Variants in ANKS1B observed in about 807,000 individuals in gnomAD.
ANKS1B encodes the protein ankyrin repeat and sterile alpha motif domain-containing protein 1B.
In ANKS1B, 36 loss-of-function variants were observed where a neutral mutation model predicts 148.3. The observed-to-expected ratio is 0.24, with a 90% CI of 0.19 to 0.32. ANKS1B has a LOEUF of 0.32. ANKS1B is among the 10% of genes least tolerant of loss of function. The probability of loss-of-function intolerance (pLI) is 1.00; values close to 1 mark genes in which losing one functional copy is unlikely to be tolerated. For synonymous variants in ANKS1B, 542 were observed against 560.8 expected (o/e 0.97, Z 0.47); for missense variants, 1,157 against 1,542.6 (o/e 0.75, Z 4.19).
At chr12:99,641,055 C>G (rs2098298288) in intron 9 of ANKS1B, among the ~76,000 whole-genome samples, 1 of 152,070 alleles carries the variant, frequency 6.6e-6, no homozygotes, top group Non-Finnish European at 1.5e-5. Context: ...TCCAGATTTT[C>G]TGAGCACATA....
At chr12:99,311,162 A>T (rs1468127502) in intron 12 of ANKS1B, among the ~76,000 whole-genome samples, 1 of 152,182 alleles carries the variant, frequency 6.6e-6, no homozygotes, top group Non-Finnish European at 1.5e-5. Context: ...TACACTCTTA[A>T]GACTTCTTAA....
intron 17 of ANKS1B, among the ~76,000 whole-genome samples, chr12:99,001,025 C>T (rs756370867): frequency 2.0e-5 from 3 of 151,876 alleles, no homozygotes; most frequent in Non-Finnish European, 2.9e-5. Context: ...TTCCAATTTA[C>T]GTATTCATCC....
At chr12:98,965,423 T>G (rs2099877007) in intron 17 of ANKS1B, among the ~76,000 whole-genome samples, 1 of 152,140 alleles carries the variant, frequency 6.6e-6, no homozygotes, top group Admixed American at 6.6e-5. Flanking sequence ...TATTTTTGGG[T>G]GAAAGTCTGA....
chr12:98,779,389 T>G (rs114693287), intron 24 of ANKS1B, among the ~76,000 whole-genome samples: 2,646 of 152,278 alleles, frequency 0.017, 66 homozygotes, highest in African/African-American at 0.06. Context: ...TTAATACAGC[T>G]GCATCCAGCC....
chr12:99,745,622 A>G (rs1337173411), intron 8 of ANKS1B, among the ~76,000 whole-genome samples: 1 of 152,168 alleles, frequency 6.6e-6, no homozygotes, highest in Non-Finnish European at 1.5e-5. Flanking sequence ...TGTAAGCACA[A>G]ATTGTAAGCA....
At chr12:98,836,816 G>A (rs7303217) in intron 17 of ANKS1B, among the ~76,000 whole-genome samples, 39,765 of 152,070 alleles carry the variant, frequency 0.26, 5,692 homozygotes, top group Admixed American at 0.32. Flanking sequence ...TGGAGATTCA[G>A]TTATTCTAAG....
chr12:99,892,234 A>C (rs1219858373), intron 1 of ANKS1B, among the ~76,000 whole-genome samples: 1 of 151,992 alleles, frequency 6.6e-6, no homozygotes, highest in Non-Finnish European at 1.5e-5. Flanking sequence ...TGATCTCCTG[A>C]CCTCGTGATC....
At position 99,102,542 on chromosome 12, in the gene ANKS1B, G is replaced by A. The variant is rs776990111; in HGVS notation, c.2527-17519C>T. 7.9e-5 allele frequency among the ~76,000 whole-genome samples: 12 copies of A among 152,026 alleles called. 1 individual carries two copies. The highest frequency in any genetic ancestry group is 1.4e-4 in the African/African-American group (6 of 41,384). ...GCAGATTGCTTGAGCCCATGAGTTC[G>A]AGAACAGCCTAGGCAACATAGGAAA... On this transcript the variant is annotated intron_variant, in intron 15 of 26. Coordinates refer to ENST00000683438, the MANE Select transcript of ANKS1B (RefSeq NM_001352186.2).
At position 99,316,456 on chromosome 12, in the gene ANKS1B, G is replaced by C. The variant is rs1040051790; in HGVS notation, c.1757-69592C>G. Among the ~76,000 whole-genome samples the C allele has an allele frequency of 2.6e-5, 4 of 152,284 alleles. 1 individual carries two copies. In the South Asian group the frequency reaches 8.3e-4, roughly 32 times the overall value. On this transcript the variant is annotated intron_variant, in intron 12 of 26. Coordinates refer to ENST00000683438, the MANE Select transcript of ANKS1B (RefSeq NM_001352186.2). Reference sequence around the variant, plus strand: ...GCATTTTTTCATGTGTCTGTTGGGGGCATAAATGCTTTCTTTTGAGAAGTG... The same window carrying C: ...GCATTTTTTCATGTGTCTGTTGGGGCCATAAATGCTTTCTTTTGAGAAGTG...
chr12:99,957,517 T>C (rs1287226398), intron 1 of ANKS1B, among the ~76,000 whole-genome samples: 1 of 152,242 alleles, frequency 6.6e-6, no homozygotes, highest in Non-Finnish European at 1.5e-5. Context: ...TGTTTTAAAG[T>C]GGCTTTTCCC....
chr12:99,483,626 T>C (rs756655263), intron 10 of ANKS1B, among the ~76,000 whole-genome samples: 4 of 152,130 alleles, frequency 2.6e-5, no homozygotes, highest in Non-Finnish European at 5.9e-5. Context: ...ATCCATCTGG[T>C]CCTGGGCTTT....
At chr12:99,187,703 T>C (rs1279673297) in intron 14 of ANKS1B, among the ~76,000 whole-genome samples, 1 of 152,064 alleles carries the variant, frequency 6.6e-6, no homozygotes. Flanking sequence ...GCACTAAACA[T>C]GGAAAGGAAC....
chr12:98,938,158 T>G (rs768410936), intron 17 of ANKS1B, among the ~76,000 whole-genome samples: 3 of 152,226 alleles, frequency 2.0e-5, no homozygotes, highest in African/African-American at 7.2e-5. Flanking sequence ...GTCCCTGGTA[T>G]GTATTTCATA....
intron 17 of ANKS1B, among the ~76,000 whole-genome samples, chr12:98,979,102 A>G (rs529455395): frequency 9.9e-5 from 15 of 151,782 alleles, no homozygotes; most frequent in African/African-American, 3.1e-4. Flanking sequence ...AGATTGCGCC[A>G]CTGCACTCTA....
chr12:99,793,969 T>C lies in ANKS1B; in HGVS notation c.670-11872A>G, dbSNP rs532083398. Among the ~76,000 whole-genome samples the C allele has an allele frequency of 2.0e-5, 3 of 152,060 alleles. No homozygotes were observed. In the South Asian group the frequency reaches 6.2e-4, roughly 32 times the overall value. ...GAATATATAAGGAACAAAAAAACTT[T>C]ACAGGAAAACATCTAATAATACAAT... is the stretch of plus-strand genomic sequence containing the variant. On this transcript the variant is annotated intron_variant, in intron 4 of 26. Transcript: ENST00000683438.
At chr12:99,682,322 A>G (rs2098625163) in intron 8 of ANKS1B, among the ~76,000 whole-genome samples, 1 of 152,238 alleles carries the variant, frequency 6.6e-6, no homozygotes, top group Non-Finnish European at 1.5e-5. Context: ...TCTATCCATC[A>G]TCACATGGAA....
chr12:99,163,342 T>C (rs1206800649), intron 14 of ANKS1B, among the ~76,000 whole-genome samples: 3 of 152,152 alleles, frequency 2.0e-5, no homozygotes, highest in Admixed American at 1.3e-4. Context: ...ATAGATTTTC[T>C]TCAGTTTTCT....
intron 16 of ANKS1B, among the ~76,000 whole-genome samples, chr12:99,067,233 G>A (rs1010996584): frequency 1.3e-5 from 2 of 152,204 alleles, no homozygotes; most frequent in Non-Finnish European, 2.9e-5. Context: ...AGATATTGGT[G>A]CCCTCAACAT....
At chr12:99,757,515 T>G (rs139939348) in intron 8 of ANKS1B, among the ~76,000 whole-genome samples, 1 of 152,112 alleles carries the variant, frequency 6.6e-6, no homozygotes, top group African/African-American at 2.4e-5. Context: ...TCAACCATTA[T>G]AGAAGACAGT....
Sources: allele counts gnomAD v4.1 joint callset (sites outside exome capture counted in the v4.1 genomes callset), GRCh38; gene constraint gnomAD v4.1.1; transcripts MANE v1.5; gene names NCBI Gene and HGNC (gene_info 2026-07-23, HGNC 2026-07-21).